The following TNRC6B variants were observed in gnomAD, a reference collection of about 807,000 sequenced individuals.
TNRC6B encodes the protein trinucleotide repeat-containing gene 6B protein.
In TNRC6B, 52 loss-of-function variants were observed where a neutral mutation model predicts 203.6. That is an observed-to-expected ratio of 0.26 (90% CI 0.20 to 0.32). The LOEUF (loss-of-function observed/expected upper bound fraction) is 0.32. Among genes scored for constraint, TNRC6B ranks in the 10% least tolerant of loss-of-function variants. The probability of loss-of-function intolerance (pLI) is 1.00; values close to 1 mark genes in which losing one functional copy is unlikely to be tolerated. For synonymous variants in TNRC6B, 838 were observed against 845.7 expected, an observed-to-expected ratio of 0.99 and a Z score of 0.16; for missense variants, 1,923 against 2,286.2, an observed-to-expected ratio of 0.84 and a Z score of 3.24.
chr22:40,264,744 G>C lies in TNRC6B; in HGVS notation c.514G>C (p.Gly172Arg). The C allele has an allele frequency of 1.2e-6, 2 of 1,610,896 alleles. No homozygotes were observed. Among genetic ancestry groups the C allele is most frequent in the Non-Finnish European group, 1.7e-6 (2 of 1,177,876 alleles). ...SNYANSTWGSGASSNNGTSPN... is the reference protein window; with the variant it reads ...SNYANSTWGSRASSNNGTSPN... ...TTATGCAAATTCCACTTGGGGCTCG[G>C]GAGCCTCCTCCAACAACGGCACCTC... The change falls in exon 5 of 23, where the codon GGA (glycine) becomes CGA (arginine). Residue 172 changes from glycine to arginine, a missense_variant. By Grantham distance (125) the Gly-to-Arg change is moderately radical. Transcript: ENST00000454349.
At chr22:40,254,970 A>G (rs567874432) in intron 3 of TNRC6B, among the ~76,000 whole-genome samples, 1 of 152,336 alleles carries the variant, frequency 6.6e-6, no homozygotes, top group African/African-American at 2.4e-5. Context: ...CACACTATGA[A>G]AAGGAACAGA....
chr22:40,313,498 G>T (rs146247442), intron 19 of TNRC6B, among the ~76,000 whole-genome samples: 3 of 151,936 alleles, frequency 2.0e-5, no homozygotes, highest in African/African-American at 4.8e-5. Context: ...TTTTTTAAAA[G>T]ATATTAGGAA....
At chr22:40,206,936 C>T (rs1441143282) in intron 1 of TNRC6B, among the ~76,000 whole-genome samples, 1 of 152,170 alleles carries the variant, frequency 6.6e-6, no homozygotes, top group Non-Finnish European at 1.5e-5. Context: ...TGGCTTAAAA[C>T]ATCGGACGTT....
chr22:40,137,892 G>T (rs2068613349), intron 3 of TNRC6B, among the ~76,000 whole-genome samples: 1 of 151,062 alleles, frequency 6.6e-6, no homozygotes, highest in African/African-American at 2.4e-5. Flanking sequence ...GCTGAGGCAG[G>T]AAAATCGCTT....
rs1453151816 is a variant in TNRC6B at position 40,243,747 on chromosome 22, G to A, written c.6-2268G>A. Reference sequence around the variant, plus strand: ...TTACAGGTGCATGCCACCACGCCCAGCTAATTTGTGTGTTTTTAGTAGAGA... The same window carrying A: ...TTACAGGTGCATGCCACCACGCCCAACTAATTTGTGTGTTTTTAGTAGAGA... On this transcript the variant is annotated intron_variant, in intron 1 of 22. Coordinates refer to ENST00000454349, the MANE Select transcript of TNRC6B (RefSeq NM_001162501.2). Among the ~76,000 whole-genome samples the A allele has an allele frequency of 2.0e-5, 3 of 152,124 alleles. No individual in the cohort carries two copies. In the East Asian group the frequency reaches 5.8e-4, roughly 29 times the overall value.
intron 1 of TNRC6B, among the ~76,000 whole-genome samples, chr22:40,185,225 G>C (rs1395363668): frequency 2.0e-5 from 3 of 152,096 alleles, no homozygotes; most frequent in Non-Finnish European, 2.9e-5. Flanking sequence ...TCTTTACCTT[G>C]TGATCCACCC....
chr22:40,249,875 G>A (rs1050268264), intron 2 of TNRC6B, among the ~76,000 whole-genome samples: 3 of 152,192 alleles, frequency 2.0e-5, no homozygotes, highest in Non-Finnish European at 4.4e-5. Flanking sequence ...CAAATTCACT[G>A]TAATAGAATT....
intron 4 of TNRC6B, among the ~76,000 whole-genome samples, chr22:40,170,771 A>C (rs553387005): frequency 3.5e-4 from 27 of 76,132 alleles, no homozygotes; most frequent in African/African-American, 8.9e-4. Context: ...GTGTATATAT[A>C]CATATATGTA....
At chr22:40,169,130 C>CTTTTTT (rs135632) in intron 4 of TNRC6B, among the ~76,000 whole-genome samples, 1 of 109,668 alleles carries the variant, frequency 9.1e-6, no homozygotes, top group Non-Finnish European at 1.9e-5. Flanking sequence ...TTGGAATCTT[C>CTTTTTT]TTTTTTTTTT....
chr22:40,088,702 A>T (rs2068123230), intron 1 of TNRC6B, among the ~76,000 whole-genome samples: 2 of 150,722 alleles, frequency 1.3e-5, no homozygotes, highest in Non-Finnish European at 1.5e-5. Flanking sequence ...TGATCCACCC[A>T]CCTTGGCCTC....
At chr22:40,180,171 C>T (rs960523606) in intron 1 of TNRC6B, among the ~76,000 whole-genome samples, 2 of 152,094 alleles carry the variant, frequency 1.3e-5, no homozygotes, top group African/African-American at 4.8e-5. Context: ...TGTGGTAGAC[C>T]TAAAGGAAAA....
At chr22:40,155,391 C>A (rs1316555476) in intron 3 of TNRC6B, among the ~76,000 whole-genome samples, 2 of 152,044 alleles carry the variant, frequency 1.3e-5, no homozygotes, top group Non-Finnish European at 2.9e-5. Flanking sequence ...CAGGTTCAAG[C>A]AATTCTTCTG....
chr22:40,203,297 A>G (rs2069437638), intron 1 of TNRC6B, among the ~76,000 whole-genome samples: 1 of 151,926 alleles, frequency 6.6e-6, no homozygotes, highest in Non-Finnish European at 1.5e-5. Flanking sequence ...CACCCCCTTA[A>G]TGGATTCCCA....
intron 1 of TNRC6B, among the ~76,000 whole-genome samples, chr22:40,057,599 A>G (rs1239849167): frequency 6.6e-6 from 1 of 152,088 alleles, no homozygotes; most frequent in Non-Finnish European, 1.5e-5. Flanking sequence ...AATTTTCATA[A>G]TGGTGTTTTG....
intron 3 of TNRC6B, among the ~76,000 whole-genome samples, chr22:40,132,817 G>A (rs1247394259): frequency 2.0e-4 from 30 of 148,058 alleles, no homozygotes; most frequent in South Asian, 8.6e-4. Context: ...GGTGGCAGGC[G>A]CCTGTAGTCC....
intron 3 of TNRC6B, among the ~76,000 whole-genome samples, chr22:40,140,996 T>G (rs2068639624): frequency 3.3e-5 from 5 of 152,206 alleles, no homozygotes; most frequent in African/African-American, 1.2e-4. Flanking sequence ...ATGGTAAGAT[T>G]TTGTCATGAG....
At chr22:40,078,237 T>G (rs2068035666) in intron 1 of TNRC6B, among the ~76,000 whole-genome samples, 1 of 152,114 alleles carries the variant, frequency 6.6e-6, no homozygotes, top group Admixed American at 6.5e-5. Flanking sequence ...ATAAAAATTA[T>G]TTATGATTGG....
chr22:40,245,370 C>T (rs1323383518), intron 1 of TNRC6B, among the ~76,000 whole-genome samples: 1 of 151,948 alleles, frequency 6.6e-6, no homozygotes, highest in African/African-American at 2.4e-5. Context: ...GGATTACAGG[C>T]GTAAGCTACC....
chr22:40,107,194 C>T (rs1601818888), intron 1 of TNRC6B: 1 of 507,314 alleles, frequency 2.0e-6, no homozygotes, highest in Non-Finnish European at 3.5e-6. Flanking sequence ...CCTTCCCTAC[C>T]CCTAGGCTAT....
Sources: allele counts gnomAD v4.1 joint callset (sites outside exome capture counted in the v4.1 genomes callset), GRCh38; gene constraint gnomAD v4.1.1; transcripts MANE v1.5; gene names NCBI Gene and HGNC (gene_info 2026-07-23, HGNC 2026-07-21).